The following SPTLC3 variants were observed in gnomAD, a reference collection of about 807,000 sequenced individuals.
SPTLC3 encodes serine palmitoyltransferase long chain base subunit 3.
A neutral mutation model predicts 59.3 loss-of-function variants in SPTLC3; 36 were observed. The observed-to-expected ratio is 0.61, with a 90% confidence interval of 0.47 to 0.80. The LOEUF is 0.80. Ranked by LOEUF, SPTLC3 falls within the 30% of genes least tolerant of loss-of-function variation. SPTLC3 has a pLI of 0.00. For missense variants in SPTLC3, 625 were observed against 685.1 expected (o/e 0.91, Z 0.98); for synonymous variants, 257 against 240.8 (o/e 1.07, Z -0.62).
intron 9 of SPTLC3, among the ~76,000 whole-genome samples, chr20:13,150,207 A>T (rs1338858671): frequency 6.6e-6 from 1 of 152,130 alleles, no homozygotes; most frequent in African/African-American, 2.4e-5. Flanking sequence ...GTTTCAATGT[A>T]TGGGTGATTT....
intron 7 of SPTLC3, among the ~76,000 whole-genome samples, chr20:13,110,421 T>C (rs576534250): frequency 3.3e-5 from 5 of 152,302 alleles, no homozygotes; most frequent in African/African-American, 1.2e-4. Context: ...CACAGCAGCT[T>C]GGAGGCTGGC....
chr20:13,163,016 A>G (rs1468985688), intron 11 of SPTLC3, among the ~76,000 whole-genome samples: 1 of 152,158 alleles, frequency 6.6e-6, no homozygotes, highest in African/African-American at 2.4e-5. Flanking sequence ...ATGCAATACC[A>G]ATATATTACG....
chr20:13,097,816 C>T (rs769113186), intron 6 of SPTLC3, among the ~76,000 whole-genome samples: 1 of 152,046 alleles, frequency 6.6e-6, no homozygotes, highest in Non-Finnish European at 1.5e-5. Context: ...GAGGAAATGG[C>T]CCAGATTAAA....
At chr20:13,019,150 A>C (rs1043912880) in intron 1 of SPTLC3, among the ~76,000 whole-genome samples, 3 of 152,166 alleles carry the variant, frequency 2.0e-5, no homozygotes, top group Admixed American at 6.6e-5. Flanking sequence ...AGGAGATGGT[A>C]AGAATGGGTT....
chr20:13,020,360 G>A (rs927373836), intron 1 of SPTLC3, among the ~76,000 whole-genome samples: 1 of 146,074 alleles, frequency 6.8e-6, no homozygotes, highest in African/African-American at 2.6e-5. Flanking sequence ...AAAAAAAAAA[G>A]AAAAAAAAGA....
At chr20:13,034,728 G>T (rs1308326050) in intron 1 of SPTLC3, among the ~76,000 whole-genome samples, 2 of 151,516 alleles carry the variant, frequency 1.3e-5, no homozygotes, top group African/African-American at 4.9e-5. Flanking sequence ...CCCAAATCAA[G>T]AACTAAATAG....
chr20:13,046,605 C>T (rs1364453430), intron 1 of SPTLC3, among the ~76,000 whole-genome samples: 2 of 152,132 alleles, frequency 1.3e-5, no homozygotes, highest in African/African-American at 2.4e-5. Flanking sequence ...TGGGTCTTAA[C>T]TGGGCCAGGA....
At chr20:13,045,559 A>G (rs1987196566) in intron 1 of SPTLC3, among the ~76,000 whole-genome samples, 1 of 152,292 alleles carries the variant, frequency 6.6e-6, no homozygotes, top group South Asian at 2.1e-4. Context: ...AAGGAGACCA[A>G]TACATTTCCA....
intron 9 of SPTLC3, among the ~76,000 whole-genome samples, chr20:13,145,260 C>T (rs1332270060): frequency 6.6e-6 from 1 of 152,088 alleles, no homozygotes; most frequent in African/African-American, 2.4e-5. Flanking sequence ...GGCCCCAAAG[C>T]CCCTCAGCTG....
At chr20:13,160,189 G>C (rs1044218314) in intron 11 of SPTLC3, 57 bp downstream of exon 11, 1 of 1,537,978 alleles carries the variant, frequency 6.5e-7, no homozygotes, top group Non-Finnish European at 8.8e-7. Flanking sequence ...TTCAAAGCAA[G>C]TCCTTTTGTT....
chr20:13,157,165 C>G (rs2038789214), intron 10 of SPTLC3, among the ~76,000 whole-genome samples: 1 of 151,658 alleles, frequency 6.6e-6, no homozygotes, highest in Non-Finnish European at 1.5e-5. Flanking sequence ...AAGCCGGGTA[C>G]GGTAGCTCAT....
intron 7 of SPTLC3, among the ~76,000 whole-genome samples, chr20:13,110,932 G>A (rs937906124): frequency 2.0e-5 from 3 of 152,128 alleles, no homozygotes; most frequent in African/African-American, 7.2e-5. Flanking sequence ...AAGGAGGAGT[G>A]TGGCTACAAA....
At chr20:13,094,757 T>TGA (rs1402258805) in intron 6 of SPTLC3, among the ~76,000 whole-genome samples, 3 of 152,096 alleles carry the variant, frequency 2.0e-5, no homozygotes, top group Non-Finnish European at 4.4e-5. Context: ...CTGAGTGGGG[T>TGA]GAGGTCTGGC....
chr20:13,139,657 G>A (rs918907771), intron 9 of SPTLC3, among the ~76,000 whole-genome samples: 8 of 152,172 alleles, frequency 5.3e-5, no homozygotes, highest in African/African-American at 1.9e-4. Context: ...AACCACAAAG[G>A]AACCTGGGTA....
intron 9 of SPTLC3, chr20:13,133,059 A>C (rs1411287161): frequency 6.6e-6 from 1 of 152,254 alleles, no homozygotes; most frequent in Non-Finnish European, 1.5e-5. Context: ...TCTCTCTTTG[A>C]AAACAGCCTT....
At chr20:13,035,158 T>G (rs1307083624) in intron 1 of SPTLC3, among the ~76,000 whole-genome samples, 2 of 152,292 alleles carry the variant, frequency 1.3e-5, no homozygotes, top group East Asian at 3.9e-4. Flanking sequence ...TTTCAGTCTC[T>G]CTGTGGACAT....
chr20:13,020,098 A>G (rs182858619), intron 1 of SPTLC3, among the ~76,000 whole-genome samples: 1 of 152,324 alleles, frequency 6.6e-6, no homozygotes, highest in East Asian at 1.9e-4. Flanking sequence ...CAGCAAATCA[A>G]CTGTTCCAGA....
chr20:13,122,945 T>C (rs1229600014), intron 8 of SPTLC3, among the ~76,000 whole-genome samples: 3 of 152,192 alleles, frequency 2.0e-5, no homozygotes, highest in Non-Finnish European at 4.4e-5. Context: ...ATGAGAGAGT[T>C]GAAACAGAGA....
intron 10 of SPTLC3, among the ~76,000 whole-genome samples, chr20:13,158,955 T>C (rs2038834950): frequency 6.6e-6 from 1 of 152,186 alleles, no homozygotes; most frequent in African/African-American, 2.4e-5. Flanking sequence ...ACCAGCAATC[T>C]CTTAATGCTA....
Sources: gnomAD v4.1 joint callset for allele counts (sites outside exome capture counted in the v4.1 genomes callset) on GRCh38, gnomAD v4.1.1 for gene constraint, MANE v1.5 for transcripts, NCBI Gene and HGNC (gene_info 2026-07-23, HGNC 2026-07-21) for gene names.